ETNK1: variants seen among roughly 807,000 people sequenced by gnomAD.
The protein encoded by ETNK1 is ethanolamine kinase 1.
Under a neutral mutation model 45.1 loss-of-function variants are expected in ETNK1, and 8 were observed. The observed-to-expected ratio is 0.18, with a 90% CI of 0.10 to 0.32. The LOEUF (loss-of-function observed/expected upper bound fraction) is 0.32, where lower values mean the gene tolerates loss of function less well. Among genes scored for constraint, ETNK1 ranks in the 10% least tolerant of loss-of-function variants. The pLI is 1.00. For missense variants in ETNK1, 302 were observed against 430.6 expected (o/e 0.70, Z 2.64); for synonymous variants, 152 against 151.9 (o/e 1.00, Z -0.01).
At position 22,656,874 on chromosome 12, in the gene ETNK1, A is replaced by G. The variant is rs1237393489; in HGVS notation, c.417-2140A>G. The G allele has an allele frequency of 3.4e-6, 3 of 880,690 alleles. No homozygotes were observed. The East Asian group carries it at 3.6e-4, about 106-fold the overall frequency. The allele number at this position is 880,690 out of a possible 1,614,324, so 54.6% of individuals were successfully genotyped here. A position where few individuals can be genotyped will look rare whatever the true frequency, so the allele number is the denominator to read the frequency against. On this transcript the variant is annotated intron_variant, in intron 2 of 7. Coordinates refer to ENST00000266517, the MANE Select transcript of ETNK1 (RefSeq NM_018638.5). ...TTTCATTTCAGTAAATATTTCTAAGATATAATATTCTGTTGACATAGATTG... is the reference window on the plus strand; with the variant it reads ...TTTCATTTCAGTAAATATTTCTAAGGTATAATATTCTGTTGACATAGATTG...
At chr12:22,660,903 T>G (rs1218918339) in intron 3 of ETNK1, among the ~76,000 whole-genome samples, 160 bp from the exon 4 acceptor site, 2 of 152,196 alleles carry the variant, frequency 1.3e-5, no homozygotes, top group Non-Finnish European at 2.9e-5. Flanking sequence ...TATATAGGTT[T>G]TCTTTATTCT....
intron 1 of ETNK1, chr12:22,625,943 C>A: frequency 3.7e-6 from 2 of 533,556 alleles, no homozygotes; most frequent in Non-Finnish European, 3.6e-6. Context: ...GGGTCCTCGT[C>A]TACCTCCTCC....
chr12:22,661,310 G>A (rs971786934), intron 4 of ETNK1, 105 bp downstream of exon 4: 35 of 873,396 alleles, frequency 4.0e-5, no homozygotes, highest in Non-Finnish European at 5.4e-5. Context: ...AGGAGTAAGA[G>A]CGTGCATGAA....
intron 4 of ETNK1, among the ~76,000 whole-genome samples, chr12:22,662,912 AG>A (rs1954020818): frequency 6.6e-6 from 1 of 152,232 alleles, no homozygotes; most frequent in South Asian, 2.1e-4. Flanking sequence ...AGAAAACCAA[AG>A]GTACACTGTC....
At chr12:22,633,717 G>A (rs988885450) in intron 1 of ETNK1, among the ~76,000 whole-genome samples, 3 of 127,270 alleles carry the variant, frequency 2.4e-5, no homozygotes, top group South Asian at 2.7e-4. Flanking sequence ...TTTCACTGTG[G>A]AGATCTCACG....
rs1472988582 is a variant in ETNK1 at position 22,685,997 on chromosome 12, G to T, written c.*1043G>T. On this transcript the variant is annotated 3_prime_UTR_variant, in exon 8 of 8. Coordinates refer to ENST00000266517, the MANE Select transcript of ETNK1 (RefSeq NM_018638.5). The stretch of plus-strand genomic sequence containing the variant: ...GTTTTAGTTTGATTCTATGTTTTTA[G>T]ACTGATAGCAAATGATTACTTGATA... 1 of 152,116 alleles carries T rather than the reference G, an allele frequency of 6.6e-6. No individual in the cohort carries two copies. Among genetic ancestry groups the T allele is most frequent in the Non-Finnish European group, 1.5e-5 (1 of 67,782 alleles). 9.4% of individuals were successfully genotyped at this position (152,116 alleles called of 1,614,324 possible). A position where few individuals can be genotyped will look rare whatever the true frequency, so the allele number is the denominator to read the frequency against.
chr12:22,672,864 T>C (rs536041477), intron 5 of ETNK1, among the ~76,000 whole-genome samples: 53 of 152,322 alleles, frequency 3.5e-4, no homozygotes, highest in Non-Finnish European at 5.9e-4. Context: ...TTTTCCAAAC[T>C]ATAGATCATG....
intron 6 of ETNK1, among the ~76,000 whole-genome samples, chr12:22,676,400 A>G (rs555957080): frequency 3.9e-5 from 6 of 152,022 alleles, no homozygotes; most frequent in Admixed American, 1.3e-4. Context: ...TCTTTATCCA[A>G]TCTATCATTG....
At chr12:22,661,408 T>C (rs549004680) in intron 4 of ETNK1, among the ~76,000 whole-genome samples, 1 of 152,280 alleles carries the variant, frequency 6.6e-6, no homozygotes, top group African/African-American at 2.4e-5. Flanking sequence ...ATAAAATATG[T>C]TTTTTAGAAT....
chr12:22,659,143 C>T lies in ETNK1; in HGVS notation c.546C>T (p.Asp182=). ...TTCCCACAGGATTTGCAGATGAAGA[C>T]ATTAATAAAAGGTAAAATTATTTTT... ...SLIPTGFADE[D]INKRFLSDIP... The change falls in exon 3 of 8, where the codon GAC becomes GAT. Residue 182 remains aspartate (D), a synonymous_variant. Coordinates refer to ENST00000266517, the MANE Select transcript of ETNK1 (RefSeq NM_018638.5). 1 of 1,612,136 alleles carries T rather than the reference C, an allele frequency of 6.2e-7. No homozygotes were observed. The highest frequency in any genetic ancestry group is 8.5e-7 in the Non-Finnish European group (1 of 1,179,238).
In ETNK1 at chr12:22,626,097, A is replaced by G. The variant is rs1953491112; in HGVS notation, c.156+511A>G. 6.2e-5 allele frequency: 21 copies of G among 339,690 alleles called. 1 individual carries two copies. The highest frequency in any genetic ancestry group is 4.4e-4 in the South Asian group (20 of 45,318). The allele number at this position is 339,690 out of a possible 1,614,324, so 21.0% of individuals were successfully genotyped here. On this transcript the variant is annotated intron_variant, in intron 1 of 7. Coordinates refer to ENST00000266517, the MANE Select transcript of ETNK1 (RefSeq NM_018638.5). ...CTCAATTCCCAAAGTAATGACCACG[A>G]CCATGCATCGCTAGGTCGGTTCTTA...
intron 5 of ETNK1, among the ~76,000 whole-genome samples, chr12:22,672,246 A>G (rs1276558148): frequency 6.6e-6 from 1 of 152,156 alleles, no homozygotes; most frequent in Admixed American, 6.5e-5. Flanking sequence ...GGAAGAATTT[A>G]AAATCCATTT....
At chr12:22,640,443 G>C (rs1953721452) in intron 1 of ETNK1, among the ~76,000 whole-genome samples, 1 of 148,158 alleles carries the variant, frequency 6.7e-6, no homozygotes, top group African/African-American at 2.5e-5. Context: ...GCCCAGAAAT[G>C]ATATTTAACA....
intron 6 of ETNK1, among the ~76,000 whole-genome samples, chr12:22,675,281 C>T (rs1368398442): frequency 6.6e-6 from 1 of 151,714 alleles, no homozygotes; most frequent in Admixed American, 6.6e-5. Flanking sequence ...TGGTCTTGAA[C>T]TCCTGGGCCT....
At chr12:22,625,913 C>G (rs1953488244) in intron 1 of ETNK1, 2 of 599,550 alleles carry the variant, frequency 3.3e-6, no homozygotes, top group African/African-American at 3.6e-5. Flanking sequence ...CAAAATGAAC[C>G]TTTCCACTCC....
intron 4 of ETNK1, among the ~76,000 whole-genome samples, chr12:22,665,622 A>G (rs748574121): frequency 9.9e-5 from 15 of 152,190 alleles, no homozygotes; most frequent in Non-Finnish European, 1.9e-4. Flanking sequence ...GTGTTGAGGC[A>G]TGAACACAGC....
rs535366271 is a variant in ETNK1 at position 22,662,120 on chromosome 12, T to G, written c.700+915T>G. On this transcript the variant is annotated intron_variant, in intron 4 of 7. Coordinates refer to ENST00000266517, the MANE Select transcript of ETNK1 (RefSeq NM_018638.5). The stretch of plus-strand genomic sequence containing the variant: ...TTCACTCTTGTCACCCAGGCTGGAG[T>G]GCAATGGCATAATCTCAGCTCACTG... Among the ~76,000 whole-genome samples the G allele has an allele frequency of 1.5e-3, 202 of 136,396 alleles. 1 individual carries two copies. Among genetic ancestry groups the G allele is most frequent in the Non-Finnish European group, 2.8e-3 (177 of 64,204 alleles). 89.5% of individuals were successfully genotyped at this position (136,396 alleles called of 152,430 possible).
At chr12:22,679,444 C>CT (rs139276874) in intron 6 of ETNK1, among the ~76,000 whole-genome samples, 9,974 of 152,082 alleles carry the variant, frequency 0.066, 463 homozygotes, top group South Asian at 0.14. Flanking sequence ...TGATACCAGC[C>CT]GACATTGAGG....
At chr12:22,628,586 C>A (rs1218564904) in intron 1 of ETNK1, among the ~76,000 whole-genome samples, 1 of 152,032 alleles carries the variant, frequency 6.6e-6, no homozygotes, top group Admixed American at 6.6e-5. Context: ...AGAATCAAGT[C>A]AGATCTCAGG....
Sources: allele counts gnomAD v4.1 joint callset (sites outside exome capture counted in the v4.1 genomes callset), GRCh38; gene constraint gnomAD v4.1.1; transcripts MANE v1.5; gene names NCBI Gene and HGNC (gene_info 2026-07-23, HGNC 2026-07-21).